The following NR6A1 variants were observed in gnomAD, a reference collection of about 807,000 sequenced individuals.
NR6A1 encodes retinoic acid receptor-related testis-associated receptor.
NR6A1 carries 7 observed loss-of-function variants against 59.1 expected under a neutral mutation model. The observed-to-expected ratio is 0.12, with a 90% CI of 0.07 to 0.22. The LOEUF (loss-of-function observed/expected upper bound fraction) is 0.22, where lower values mean the gene tolerates loss of function less well. NR6A1 is among the 10% of genes least tolerant of loss of function. NR6A1 has a pLI of 1.00. For synonymous variants in NR6A1, 243 were observed against 236.1 expected, an observed-to-expected ratio of 1.03 and a Z score of -0.27; for missense variants, 468 against 611.6, an observed-to-expected ratio of 0.77 and a Z score of 2.48.
intron 1 of NR6A1, among the ~76,000 whole-genome samples, chr9:124,768,410 T>A (rs555061714): frequency 2.8e-4 from 42 of 152,348 alleles, no homozygotes; most frequent in East Asian, 2.5e-3. Context: ...CTTAAAAAAA[T>A]TTTTGGCAAT....
chr9:124,695,123 A>G (rs1838702897), intron 2 of NR6A1, among the ~76,000 whole-genome samples: 2 of 152,152 alleles, frequency 1.3e-5, no homozygotes, highest in Non-Finnish European at 2.9e-5. Context: ...CCACTTTTCA[A>G]CTATTGCCCA....
At chr9:124,560,554 T>C (rs1187306759) in intron 2 of NR6A1, among the ~76,000 whole-genome samples, 3 of 152,102 alleles carry the variant, frequency 2.0e-5, no homozygotes, top group Non-Finnish European at 4.4e-5. Context: ...AGTTATTCAA[T>C]TGGTTTTGTC....
chr9:124,651,231 AT>A (rs541970757), intron 2 of NR6A1, among the ~76,000 whole-genome samples: 6 of 148,082 alleles, frequency 4.1e-5, no homozygotes, highest in African/African-American at 4.9e-5. Flanking sequence ...TAATTTTTGT[AT>A]TTTTTTTTTA....
chr9:124,568,896 G>C (rs1206505969), intron 2 of NR6A1, among the ~76,000 whole-genome samples: 1 of 151,762 alleles, frequency 6.6e-6, no homozygotes, highest in South Asian at 2.1e-4. Context: ...GGCGGGTCAC[G>C]AGGTCAGGAG....
chr9:124,540,169 C>T lies in NR6A1; in HGVS notation c.460G>A (p.Glu154Lys), dbSNP rs760817530. ...AACTCCTGCCCAGACATGATCCTTT[C>T]GATTTCTTCTTCCGATATCTTTGAC... ...GPVQISEEEI[E>K]RIMSGQEFEE... Residue 154 changes from glutamate to lysine, a missense_variant, in exon 5 of 10, where the codon GAA (glutamate) becomes AAA (lysine). By Grantham distance (56) the Glu-to-Lys change is moderately conservative. This residue lies in a region of NR6A1 where 151 missense variants were observed against 142.8 expected (regional missense o/e 1.06). Coordinates refer to ENST00000487099, the MANE Select transcript of NR6A1 (RefSeq NM_033334.4). 10 of 1,613,450 alleles carry T rather than the reference C, an allele frequency of 6.2e-6. No homozygotes were observed. The highest frequency in any genetic ancestry group is 8.5e-6 in the Non-Finnish European group (10 of 1,179,702).
intron 2 of NR6A1, among the ~76,000 whole-genome samples, chr9:124,617,488 A>T (rs1765384943): frequency 6.6e-6 from 1 of 152,236 alleles, no homozygotes; most frequent in African/African-American, 2.4e-5. Context: ...TGCTACAGGG[A>T]AAGTTTCTGT....
chr9:124,667,232 C>A (rs1416415672), intron 2 of NR6A1, among the ~76,000 whole-genome samples: 2 of 151,902 alleles, frequency 1.3e-5, no homozygotes, highest in African/African-American at 2.4e-5. Context: ...AGGGTTTCGC[C>A]ATCTTGGCCA....
In NR6A1 at chr9:124,583,304, C is replaced by T. The variant is rs1834826944; in HGVS notation, c.143-28734G>A. 1.3e-5 allele frequency among the ~76,000 whole-genome samples: 2 copies of T among 152,190 alleles called. 1 individual carries two copies. Among genetic ancestry groups the T allele is most frequent in the South Asian group, 4.1e-4 (2 of 4,832 alleles). ...CACTCCCCTAGAGGACAGATGACTC[C>T]TTCACAGAGTATAACTTCTTACAAC... On this transcript the variant is annotated intron_variant, in intron 2 of 9. Coordinates refer to ENST00000487099, the MANE Select transcript of NR6A1 (RefSeq NM_033334.4).
chr9:124,689,337 G>T (rs1186656081), intron 2 of NR6A1, among the ~76,000 whole-genome samples: 1 of 151,864 alleles, frequency 6.6e-6, no homozygotes, highest in Non-Finnish European at 1.5e-5. Context: ...TCCAAAATCT[G>T]CTCTTTACTA....
At chr9:124,530,096 C>T (rs1833057360) in intron 7 of NR6A1, among the ~76,000 whole-genome samples, 1 of 152,188 alleles carries the variant, frequency 6.6e-6, no homozygotes, top group African/African-American at 2.4e-5. Flanking sequence ...ATCAGCCAGA[C>T]CCCTAGCCAG....
chr9:124,605,030 C>T (rs566002935), intron 2 of NR6A1, among the ~76,000 whole-genome samples: 2 of 152,038 alleles, frequency 1.3e-5, no homozygotes, highest in African/African-American at 2.4e-5. Context: ...CGCTGCTAAC[C>T]ATTACAAAAA....
chr9:124,722,448 C>T (rs761932435), intron 2 of NR6A1, among the ~76,000 whole-genome samples: 1 of 152,182 alleles, frequency 6.6e-6, no homozygotes, highest in Non-Finnish European at 1.5e-5. Flanking sequence ...TCCATTAGAA[C>T]ATGTGACAGA....
rs748265249 is a variant in NR6A1 at position 124,590,344 on chromosome 9, G to GT, written c.143-35775dup. ...TCACAAGAAATACCTAGCAAAAGTA[G>GT]TTAAAAAAAAAACCCAAAAAGCAAA... is the stretch of plus-strand genomic sequence containing the variant. On this transcript the variant is annotated intron_variant, in intron 2 of 9. Transcript: ENST00000487099. Among the ~76,000 whole-genome samples the GT allele has an allele frequency of 6.4e-4, 96 of 150,568 alleles. 2 individuals are homozygous for GT. The highest frequency in any genetic ancestry group is 1.3e-3 in the Non-Finnish European group (85 of 67,840).
At chr9:124,558,757 C>A (rs1235510996) in intron 2 of NR6A1, among the ~76,000 whole-genome samples, 7 of 151,888 alleles carry the variant, frequency 4.6e-5, no homozygotes, top group Non-Finnish European at 5.9e-5. Context: ...CCATTACATT[C>A]TTTGGCCACA....
Position 124,680,090 on chromosome 9 carries a change from ATGTGTGTG to A in NR6A1, c.142+53210_142+53217del, listed in dbSNP as rs57251719. On this transcript the variant is annotated intron_variant, in intron 2 of 9. Coordinates refer to ENST00000487099, the MANE Select transcript of NR6A1 (RefSeq NM_033334.4). ...TGTGTTTATGTGTCTGTGTGTATGT[ATGTGTGTG>A]TGTGTGTGTGTGTGTGTGTGTGTTT... Among the ~76,000 whole-genome samples the A allele has an allele frequency of 8.7e-4, 125 of 143,238 alleles. 1 individual carries two copies. In the South Asian group the frequency reaches 0.017, roughly 19 times the overall value. The allele number at this position is 143,238 out of a possible 152,430, so 94.0% of individuals were successfully genotyped here. A position where few individuals can be genotyped will look rare whatever the true frequency, so the allele number is the denominator to read the frequency against.
intron 8 of NR6A1, among the ~76,000 whole-genome samples, chr9:124,525,284 AACACACACACACACAC>A (rs71492413): frequency 7.3e-5 from 10 of 137,302 alleles, no homozygotes; most frequent in Non-Finnish European, 1.1e-4. Flanking sequence ...ATGCTTGTAA[AACACACACACACACAC>A]ACACACACAC....
At chr9:124,719,800 G>T (rs1048707873) in intron 2 of NR6A1, among the ~76,000 whole-genome samples, 1 of 151,936 alleles carries the variant, frequency 6.6e-6, no homozygotes, top group Non-Finnish European at 1.5e-5. Flanking sequence ...CGCGCCTATA[G>T]TCCCAGCCAC....
intron 1 of NR6A1, among the ~76,000 whole-genome samples, chr9:124,744,561 T>C: frequency 6.6e-6 from 1 of 152,200 alleles, no homozygotes; most frequent in South Asian, 2.1e-4. Flanking sequence ...GATGGGAACT[T>C]AGCATAATCT....
At chr9:124,742,715 A>C (rs1312876650) in intron 1 of NR6A1, among the ~76,000 whole-genome samples, 1 of 151,938 alleles carries the variant, frequency 6.6e-6, no homozygotes, top group African/African-American at 2.4e-5. Flanking sequence ...TCTCTAGTAA[A>C]AACACAAAAA....
Sources: gnomAD v4.1 joint callset for allele counts (sites outside exome capture counted in the v4.1 genomes callset) on GRCh38, gnomAD v4.1.1 for gene constraint, gnomAD v4.1.1 regional missense constraint, MANE v1.5 for transcripts, NCBI Gene and HGNC (gene_info 2026-07-23, HGNC 2026-07-21) for gene names.